PRICKLE1: variants seen among roughly 807,000 people sequenced by gnomAD.
The protein encoded by PRICKLE1 is prickle planar cell polarity protein 1.
In PRICKLE1, 14 loss-of-function variants were observed where a neutral mutation model predicts 70.2. The ratio of observed to expected loss-of-function variants is 0.20; its 90% CI spans 0.13 to 0.31. The LOEUF (loss-of-function observed/expected upper bound fraction) is 0.31. PRICKLE1 is among the 10% of genes least tolerant of loss of function. The pLI is 1.00. For synonymous variants in PRICKLE1, 357 were observed against 379.9 expected (o/e 0.94, Z 0.70); for missense variants, 821 against 1,026.2 (o/e 0.80, Z 2.73).
intron 1 of PRICKLE1, among the ~76,000 whole-genome samples, chr12:42,540,693 G>C (rs1374014180): frequency 6.6e-6 from 1 of 152,116 alleles, no homozygotes; most frequent in Non-Finnish European, 1.5e-5. Flanking sequence ...CTCCCAAGTA[G>C]CTGAGAATAC....
chr12:42,586,012 G>A (rs1940981774), intron 1 of PRICKLE1, among the ~76,000 whole-genome samples: 1 of 152,102 alleles, frequency 6.6e-6, no homozygotes, highest in Non-Finnish European at 1.5e-5. Flanking sequence ...CCAGATTACT[G>A]TACTTCCCTC....
intron 1 of PRICKLE1, among the ~76,000 whole-genome samples, chr12:42,540,437 C>T (rs971166726): frequency 4.6e-5 from 7 of 152,166 alleles, no homozygotes; most frequent in African/African-American, 1.7e-4. Context: ...GCATTAAATG[C>T]AATACTGACC....
At chr12:42,510,564 T>G (rs747946038) in intron 1 of PRICKLE1, among the ~76,000 whole-genome samples, 2 of 143,390 alleles carry the variant, frequency 1.4e-5, no homozygotes, top group South Asian at 4.7e-4. Flanking sequence ...CAAAGAGCAT[T>G]TTTAAGGGAG....
At chr12:42,537,205 C>A (rs372086386) in intron 1 of PRICKLE1, among the ~76,000 whole-genome samples, 4 of 151,764 alleles carry the variant, frequency 2.6e-5, no homozygotes, top group South Asian at 2.1e-4. Flanking sequence ...GTACTATAAT[C>A]ATGGTTCATG....
At chr12:42,494,513 A>G (rs937856765) in intron 1 of PRICKLE1, among the ~76,000 whole-genome samples, 5 of 152,190 alleles carry the variant, frequency 3.3e-5, no homozygotes, top group Non-Finnish European at 7.3e-5. Flanking sequence ...ATTTCTAAGA[A>G]GCAATTCCTC....
intron 1 of PRICKLE1, among the ~76,000 whole-genome samples, chr12:42,554,653 A>G (rs1369799626): frequency 1.3e-5 from 2 of 152,226 alleles, no homozygotes; most frequent in African/African-American, 4.8e-5. Flanking sequence ...GCTAGAAAAA[A>G]AGGAAGTTTC....
At chr12:42,530,680 A>ATTTT (rs34675637) in intron 1 of PRICKLE1, among the ~76,000 whole-genome samples, 1,030 of 97,032 alleles carry the variant, frequency 0.011, 19 homozygotes, top group East Asian at 0.043. Flanking sequence ...TTATCAAATA[A>ATTTT]TTTTTTTTTT....
intron 1 of PRICKLE1, among the ~76,000 whole-genome samples, chr12:42,563,791 T>C (rs1940571147): frequency 6.6e-6 from 1 of 151,684 alleles, no homozygotes; most frequent in South Asian, 2.1e-4. Flanking sequence ...GTTTAATATT[T>C]AAATAGAGTA....
chr12:42,557,979 C>A (rs1392221453), intron 1 of PRICKLE1, among the ~76,000 whole-genome samples: 2 of 152,176 alleles, frequency 1.3e-5, no homozygotes, highest in African/African-American at 2.4e-5. Flanking sequence ...TAGAGAGACA[C>A]TTCACGTGCT....
At position 42,546,210 on chromosome 12, in the gene PRICKLE1, T is replaced by G. The variant is rs560288141; in HGVS notation, c.-49+43255A>C. 2.0e-5 allele frequency among the ~76,000 whole-genome samples: 3 copies of G among 152,304 alleles called. No homozygotes were observed. In the East Asian group the frequency reaches 5.8e-4, roughly 29 times the overall value. ...TGAATACTCTGAAAAGACTCCCACCTCATTAATATGTCTCAAAACACATTG... is the reference window on the plus strand; with the variant it reads ...TGAATACTCTGAAAAGACTCCCACCGCATTAATATGTCTCAAAACACATTG... On this transcript the variant is annotated intron_variant, in intron 1 of 7. Transcript: ENST00000345127.
At chr12:42,543,248 T>C (rs2120610293) in intron 1 of PRICKLE1, among the ~76,000 whole-genome samples, 1 of 152,334 alleles carries the variant, frequency 6.6e-6, no homozygotes, top group African/African-American at 2.4e-5. Flanking sequence ...TTGCTAAGAT[T>C]CAGGCTAAAT....
intron 1 of PRICKLE1, among the ~76,000 whole-genome samples, chr12:42,534,154 G>A (rs925921914): frequency 1.3e-5 from 2 of 152,074 alleles, no homozygotes; most frequent in African/African-American, 4.8e-5. Context: ...GGGCAATAAA[G>A]GAAAAGATGA....
chr12:42,456,940 T>A lies in PRICKLE1; in HGVS notation c.*2869A>T, dbSNP rs1185384280. ...TGTAATCCCCTGCACTTTGGGAGGCTGAGGCAGGTGGATCACCTGAAGGTC... is the reference window on the plus strand; with the variant it reads ...TGTAATCCCCTGCACTTTGGGAGGCAGAGGCAGGTGGATCACCTGAAGGTC... On this transcript the variant is annotated 3_prime_UTR_variant, in exon 8 of 8. Transcript: ENST00000345127. 6.6e-6 allele frequency: 1 copy of A among 152,166 alleles called. No individual in the cohort carries two copies. The allele number at this position is 152,166 out of a possible 1,614,324, so 9.4% of individuals were successfully genotyped here. A position where few individuals can be genotyped will look rare whatever the true frequency, so the allele number is the denominator to read the frequency against.
intron 1 of PRICKLE1, among the ~76,000 whole-genome samples, chr12:42,586,037 C>T (rs1474943586): frequency 6.6e-6 from 1 of 152,184 alleles, no homozygotes. Flanking sequence ...AACTTGCTTG[C>T]TCACACCAAC....
Position 42,472,178 on chromosome 12 carries a change from T to C in PRICKLE1, c.132+207A>G, listed in dbSNP as rs1025606813. On this transcript the variant is annotated intron_variant, in intron 2 of 7. Transcript: ENST00000345127. ...GATCCTTATGAGGCTTCTGGAACCA[T>C]GGGTACGACGAGATTGGAAACTTCC... Among the ~76,000 whole-genome samples the C allele has an allele frequency of 3.3e-5, 5 of 152,296 alleles. No homozygotes were observed. In the South Asian group the frequency reaches 6.2e-4, roughly 19 times the overall value.
intron 1 of PRICKLE1, among the ~76,000 whole-genome samples, chr12:42,529,159 C>A (rs1318173338): frequency 2.6e-5 from 4 of 152,112 alleles, no homozygotes; most frequent in Non-Finnish European, 5.9e-5. Flanking sequence ...GGAAAAATAC[C>A]TAGTCCTTCA....
chr12:42,571,112 C>G (rs1479927476), intron 1 of PRICKLE1, among the ~76,000 whole-genome samples: 1 of 152,090 alleles, frequency 6.6e-6, no homozygotes, highest in Admixed American at 6.6e-5. Context: ...CACAAATCCC[C>G]TCAAATTGCC....
chr12:42,539,467 C>G (rs113616165), intron 1 of PRICKLE1, among the ~76,000 whole-genome samples: 9,874 of 90,734 alleles, frequency 0.11, 413 homozygotes, highest in Middle Eastern at 0.2. Flanking sequence ...GACTCTGTCT[C>G]AAAAAAAAAA....
intron 6 of PRICKLE1, 78 bp downstream of exon 6, chr12:42,466,116 A>T: frequency 6.6e-7 from 1 of 1,507,584 alleles, no homozygotes; most frequent in African/African-American, 1.4e-5. Context: ...AAAAACAGAA[A>T]AAGAAAAAAT....
Sources: allele counts gnomAD v4.1 joint callset (sites outside exome capture counted in the v4.1 genomes callset), GRCh38; gene constraint gnomAD v4.1.1; transcripts MANE v1.5; gene names NCBI Gene and HGNC (gene_info 2026-07-23, HGNC 2026-07-21).